The following ARHGEF3 variants were observed in gnomAD, a reference collection of about 807,000 sequenced individuals.
ARHGEF3 encodes the protein 59.8 kDA protein.
Under a neutral mutation model 63.2 loss-of-function variants are expected in ARHGEF3, and 28 were observed. That is an observed-to-expected ratio of 0.44 (90% CI 0.33 to 0.61). The LOEUF (loss-of-function observed/expected upper bound fraction) is 0.61. Among genes scored for constraint, ARHGEF3 ranks in the 20% least tolerant of loss-of-function variants. The pLI is 0.03. For synonymous variants in ARHGEF3, 266 were observed against 254.2 expected (o/e 1.05, Z -0.44); for missense variants, 533 against 659.3 (o/e 0.81, Z 2.10).
intron 1 of ARHGEF3, among the ~76,000 whole-genome samples, chr3:56,784,029 C>T (rs1410355873): frequency 6.6e-6 from 1 of 152,168 alleles, no homozygotes; most frequent in African/African-American, 2.4e-5. Flanking sequence ...AAACACCAGC[C>T]CCCACTGCCT....
chr3:56,755,136 G>T lies in ARHGEF3; in HGVS notation c.220C>A (p.Arg74Ser). ...AGGATGTCAGGGCGGCTCTCACTGC[G>T]GAAGCTAATGGAGCGCTAAACAATG... ...SQTLQRSISF[R>S]SESRPDILAP... Residue 74 changes from arginine (R) to serine (S), a missense_variant, in exon 3 of 10, where the codon CGC becomes AGC. By Grantham distance (110) the Arg-to-Ser change is moderately radical (BLOSUM62 -1). Around this residue, in one of 4 missense-constraint regions of ARHGEF3, gnomAD observed 160 missense variants for 157.3 expected, o/e 1.02. Coordinates refer to ENST00000296315, the MANE Select transcript of ARHGEF3 (RefSeq NM_019555.3). 1 of 1,613,446 alleles carries T rather than the reference G, an allele frequency of 6.2e-7. No individual in the cohort carries two copies. Among genetic ancestry groups the T allele is most frequent in the East Asian group, 2.2e-5 (1 of 44,884 alleles).
chr3:56,961,164 C>A (rs965207667), intron 2 of ARHGEF3, among the ~76,000 whole-genome samples: 1 of 151,970 alleles, frequency 6.6e-6, no homozygotes, highest in East Asian at 1.9e-4. Flanking sequence ...AAATACATGA[C>A]ATACAGACAG....
chr3:56,887,697 A>G (rs2040970955), intron 3 of ARHGEF3, among the ~76,000 whole-genome samples: 1 of 152,226 alleles, frequency 6.6e-6, no homozygotes, highest in African/African-American at 2.4e-5. Flanking sequence ...TTGAGGAGCC[A>G]AGGACCCACC....
chr3:57,075,559 C>CCAG (rs1462919700), intron 1 of ARHGEF3: 2 of 151,930 alleles, frequency 1.3e-5, no homozygotes, highest in Non-Finnish European at 2.9e-5. Context: ...GCCTGTAATC[C>CCAG]CAGCACTTTG....
chr3:56,893,266 C>G (rs1163843326), intron 3 of ARHGEF3, among the ~76,000 whole-genome samples: 2 of 152,190 alleles, frequency 1.3e-5, no homozygotes, highest in Non-Finnish European at 2.9e-5. Flanking sequence ...CAGCCTCGAA[C>G]TCCTGAGCTC....
intron 3 of ARHGEF3, among the ~76,000 whole-genome samples, chr3:56,928,225 A>C (rs1395732648): frequency 6.6e-6 from 1 of 152,166 alleles, no homozygotes; most frequent in Non-Finnish European, 1.5e-5. Flanking sequence ...TTGAGCATCT[A>C]CTATATACCA....
chr3:56,758,271 A>G (rs1319877293), intron 2 of ARHGEF3, among the ~76,000 whole-genome samples: 2 of 148,326 alleles, frequency 1.3e-5, no homozygotes, highest in Non-Finnish European at 3.0e-5. Flanking sequence ...ACAGAGCAAG[A>G]CTCCCTCTAA....
chr3:57,014,132 T>C (rs1206988810), intron 2 of ARHGEF3, among the ~76,000 whole-genome samples: 1 of 151,880 alleles, frequency 6.6e-6, no homozygotes, highest in African/African-American at 2.4e-5. Flanking sequence ...TTAAGAGCTG[T>C]AACACTCAGC....
chr3:56,866,752 A>G (rs1257631856), intron 4 of ARHGEF3, among the ~76,000 whole-genome samples: 1 of 152,212 alleles, frequency 6.6e-6, no homozygotes. Context: ...TCATTCTGTA[A>G]CCACATGGTG....
intron 2 of ARHGEF3, chr3:57,007,393 G>A (rs1702510175): frequency 7.9e-7 from 1 of 1,273,066 alleles, no homozygotes; most frequent in African/African-American, 1.5e-5. Context: ...TGCTGAGGCT[G>A]AGCTGGAATT....
chr3:56,838,350 A>G (rs1289504179), intron 4 of ARHGEF3, among the ~76,000 whole-genome samples: 2 of 152,240 alleles, frequency 1.3e-5, no homozygotes, highest in East Asian at 1.9e-4. Context: ...TACATAAGAC[A>G]GAGATTCACT....
rs115485544 is a variant in ARHGEF3 at position 56,957,601 on chromosome 3, G to T, written c.129+1222C>A. ...CTGAGTCTTCCAATCTTAAATTTCA[G>T]TAAGGACTAAGCACAATAGTAAGAA... On this transcript the variant is annotated intron_variant, in intron 3 of 12. Transcript: ENST00000338458. Among the ~76,000 whole-genome samples the T allele has an allele frequency of 8.5e-5, 13 of 152,298 alleles. No homozygotes were observed. In the South Asian group the frequency reaches 2.7e-3, roughly 32 times the overall value.
intron 1 of ARHGEF3, among the ~76,000 whole-genome samples, chr3:57,063,302 G>A (rs1705335878): frequency 6.6e-6 from 1 of 152,152 alleles, no homozygotes; most frequent in Non-Finnish European, 1.5e-5. Flanking sequence ...CCACCCTAAA[G>A]GCTTTGGCTT....
At chr3:56,787,403 C>G (rs536796460) in intron 1 of ARHGEF3, among the ~76,000 whole-genome samples, 1 of 152,142 alleles carries the variant, frequency 6.6e-6, no homozygotes, top group South Asian at 2.1e-4. Flanking sequence ...AGAAACAGAG[C>G]AGTCATCCTA....
intron 2 of ARHGEF3, among the ~76,000 whole-genome samples, chr3:56,763,387 A>G (rs2035531853): frequency 6.6e-6 from 1 of 152,168 alleles, no homozygotes; most frequent in African/African-American, 2.4e-5. Flanking sequence ...TACCTGGGCC[A>G]AATGGCTCCT....
intron 2 of ARHGEF3, among the ~76,000 whole-genome samples, chr3:57,033,519 T>A (rs910127206): frequency 4.0e-5 from 6 of 151,674 alleles, no homozygotes; most frequent in African/African-American, 9.7e-5. Context: ...AAGCATAGTA[T>A]AACAGTACAT....
chr3:56,768,227 T>G (rs536499776), intron 2 of ARHGEF3, among the ~76,000 whole-genome samples: 28 of 152,152 alleles, frequency 1.8e-4, no homozygotes, highest in African/African-American at 5.5e-4. Context: ...CCGGCTAATT[T>G]TTTGTATTTT....
chr3:57,014,813 T>G (rs1433286660), intron 2 of ARHGEF3, among the ~76,000 whole-genome samples: 1 of 151,946 alleles, frequency 6.6e-6, no homozygotes, highest in Non-Finnish European at 1.5e-5. Flanking sequence ...CCTGAGTAGC[T>G]GGGACTACAG....
intron 2 of ARHGEF3, among the ~76,000 whole-genome samples, chr3:56,968,334 A>ATATAATATATAT (rs373914899): frequency 2.3e-4 from 13 of 56,830 alleles, no homozygotes; most frequent in African/African-American, 7.9e-4. Flanking sequence ...ATATATATAT[A>ATATAATATATAT]ATATATAATA....
Sources: allele counts gnomAD v4.1 joint callset (sites outside exome capture counted in the v4.1 genomes callset), GRCh38; gene constraint gnomAD v4.1.1; regional missense constraint gnomAD v4.1.1; transcripts MANE v1.5; gene names NCBI Gene and HGNC (gene_info 2026-07-23, HGNC 2026-07-21).